SLC35F1: variants seen among roughly 807,000 people sequenced by gnomAD.
SLC35F1 encodes chromosome 6 open reading frame 169.
SLC35F1 carries 14 observed loss-of-function variants against 48.7 expected under a neutral mutation model. That is an observed-to-expected ratio of 0.29 (90% CI 0.19 to 0.45). The LOEUF (loss-of-function observed/expected upper bound fraction) is 0.45. Ranked by LOEUF, SLC35F1 falls within the 20% of genes least tolerant of loss-of-function variation. The pLI, the probability that SLC35F1 is intolerant of heterozygous loss-of-function variation, is 1.00. For synonymous variants in SLC35F1, 190 were observed against 202.2 expected (o/e 0.94, Z 0.51); for missense variants, 404 against 500.0 (o/e 0.81, Z 1.83).
intron 3 of SLC35F1, among the ~76,000 whole-genome samples, chr6:118,246,495 C>G (rs1775508998): frequency 6.6e-6 from 1 of 152,204 alleles, no homozygotes; most frequent in Admixed American, 6.5e-5. Context: ...GGAGGAGTGA[C>G]TGGCTCTACC....
intron 2 of SLC35F1, among the ~76,000 whole-genome samples, chr6:118,181,294 T>G (rs939021580): frequency 5.9e-5 from 9 of 152,020 alleles, no homozygotes; most frequent in Non-Finnish European, 1.5e-5. Context: ...TGGAAAAAAA[T>G]TAAACCATAG....
chr6:118,232,965 T>C (rs1392275761), intron 2 of SLC35F1, among the ~76,000 whole-genome samples: 1 of 129,802 alleles, frequency 7.7e-6, no homozygotes, highest in Non-Finnish European at 1.8e-5. Flanking sequence ...GCATTAGGAC[T>C]TTTCTGGTTT....
chr6:118,194,778 C>T (rs1273363136), intron 2 of SLC35F1, among the ~76,000 whole-genome samples: 4 of 152,196 alleles, frequency 2.6e-5, no homozygotes, highest in Admixed American at 1.3e-4. Context: ...GTAAGAAATT[C>T]TTGCCCTTTT....
intron 1 of SLC35F1, among the ~76,000 whole-genome samples, chr6:118,139,832 A>G (rs1449478683): frequency 2.0e-5 from 3 of 152,194 alleles, no homozygotes; most frequent in Non-Finnish European, 4.4e-5. Flanking sequence ...AGGCAGCATT[A>G]TTGCTGCTGT....
At chr6:118,098,135 T>A (rs967808996) in intron 1 of SLC35F1, among the ~76,000 whole-genome samples, 1 of 152,214 alleles carries the variant, frequency 6.6e-6, no homozygotes, top group African/African-American at 2.4e-5. Flanking sequence ...TTAACAGAAC[T>A]TATTTCATTA....
intron 1 of SLC35F1, among the ~76,000 whole-genome samples, chr6:118,080,177 C>T (rs1772884953): frequency 6.6e-6 from 1 of 152,172 alleles, no homozygotes; most frequent in Non-Finnish European, 1.5e-5. Flanking sequence ...AAGTGGGGAA[C>T]TGCAGGGAAG....
chr6:118,225,168 G>A (rs1350874160), intron 2 of SLC35F1, among the ~76,000 whole-genome samples: 2 of 152,004 alleles, frequency 1.3e-5, no homozygotes, highest in Non-Finnish European at 2.9e-5. Flanking sequence ...AGAAATAAAG[G>A]ACCCCAGTAG....
At chr6:118,004,281 C>T (rs1453159716) in intron 1 of SLC35F1, among the ~76,000 whole-genome samples, 1 of 152,104 alleles carries the variant, frequency 6.6e-6, no homozygotes, top group African/African-American at 2.4e-5. Context: ...ATTGAGTAAT[C>T]TCTAAATGTT....
At chr6:117,971,945 G>C (rs1776648044) in intron 1 of SLC35F1, among the ~76,000 whole-genome samples, 1 of 152,218 alleles carries the variant, frequency 6.6e-6, no homozygotes, top group African/African-American at 2.4e-5. Flanking sequence ...TTGTCTTGGT[G>C]ATTAACATTT....
At chr6:117,926,320 G>A (rs561717192) in intron 1 of SLC35F1, among the ~76,000 whole-genome samples, 8 of 152,176 alleles carry the variant, frequency 5.3e-5, no homozygotes, top group South Asian at 4.1e-4. Flanking sequence ...GCTTTCTACC[G>A]TAATTATAAG....
At chr6:118,141,604 C>T (rs1773890884) in intron 1 of SLC35F1, among the ~76,000 whole-genome samples, 2 of 152,168 alleles carry the variant, frequency 1.3e-5, no homozygotes, top group Admixed American at 1.3e-4. Context: ...TGTATCCTCA[C>T]ATGGCAGAAA....
chr6:118,004,845 C>G (rs1275110331), intron 1 of SLC35F1, among the ~76,000 whole-genome samples: 2 of 151,874 alleles, frequency 1.3e-5, no homozygotes, highest in Non-Finnish European at 2.9e-5. Flanking sequence ...AATATCGTAC[C>G]TGGCCTCAAC....
chr6:118,311,941 G>A (rs1776377140), intron 7 of SLC35F1, among the ~76,000 whole-genome samples: 2 of 152,186 alleles, frequency 1.3e-5, no homozygotes, highest in Non-Finnish European at 1.5e-5. Flanking sequence ...TTTACAGCAA[G>A]ATAGGAACTA....
chr6:118,149,462 A>G (rs962202229), intron 1 of SLC35F1, among the ~76,000 whole-genome samples: 2 of 152,210 alleles, frequency 1.3e-5, no homozygotes, highest in African/African-American at 4.8e-5. Context: ...GGCAGGGGGT[A>G]TAGTTAGCAG....
intron 1 of SLC35F1, among the ~76,000 whole-genome samples, chr6:117,910,232 AG>A (rs1198358968): frequency 2.0e-5 from 3 of 152,196 alleles, no homozygotes; most frequent in Non-Finnish European, 4.4e-5. Flanking sequence ...TCTAGGTAAA[AG>A]TGAGAGTATG....
At chr6:118,245,094 T>G (rs756028206) in intron 3 of SLC35F1, among the ~76,000 whole-genome samples, 1 of 152,214 alleles carries the variant, frequency 6.6e-6, no homozygotes, top group Non-Finnish European at 1.5e-5. Flanking sequence ...TTAAGTATTA[T>G]AGACATAGAA....
chr6:118,054,790 T>TG, intron 1 of SLC35F1, among the ~76,000 whole-genome samples: 1 of 151,480 alleles, frequency 6.6e-6, no homozygotes, highest in African/African-American at 2.4e-5. Flanking sequence ...TTTCTTTCTT[T>TG]TTTTTTGACA....
intron 1 of SLC35F1, among the ~76,000 whole-genome samples, chr6:117,946,703 A>G (rs1173365546): frequency 6.6e-6 from 1 of 152,212 alleles, no homozygotes; most frequent in Admixed American, 6.5e-5. Flanking sequence ...AGTACCAAAG[A>G]AGGGATGAAT....
chr6:117,944,586 T>TAAACACACACACACACACACAC (rs1776270760), intron 1 of SLC35F1, among the ~76,000 whole-genome samples: 1 of 146,280 alleles, frequency 6.8e-6, no homozygotes, highest in South Asian at 2.2e-4. Flanking sequence ...AACACACACA[T>TAAACACACACACACACACACAC]ACACATACAC....
Sources: gnomAD v4.1 joint callset for allele counts (sites outside exome capture counted in the v4.1 genomes callset) on GRCh38, gnomAD v4.1.1 for gene constraint, MANE v1.5 for transcripts, NCBI Gene and HGNC (gene_info 2026-07-23, HGNC 2026-07-21) for gene names.